The following SERPINI1 variants were observed in gnomAD, a reference collection of about 807,000 sequenced individuals.
SERPINI1 encodes neuroserpin.
SERPINI1 carries 19 observed loss-of-function variants against 41.1 expected under a neutral mutation model. The observed-to-expected ratio is 0.46, with a 90% confidence interval of 0.32 to 0.68. SERPINI1 has a LOEUF of 0.68. SERPINI1 is among the 30% of genes least tolerant of loss of function. SERPINI1 has a pLI of 0.03. For synonymous variants in SERPINI1, 138 were observed against 156.6 expected (o/e 0.88, Z 0.89); for missense variants, 460 against 479.2 (o/e 0.96, Z 0.37).
intron 1 of SERPINI1, among the ~76,000 whole-genome samples, chr3:167,767,272 A>T (rs554142231): frequency 3.8e-4 from 58 of 152,326 alleles, no homozygotes; most frequent in African/African-American, 1.2e-3. Context: ...ATGACAGCAC[A>T]TCTGTTTTGC....
intron 5 of SERPINI1, among the ~76,000 whole-genome samples, chr3:167,799,342 T>C (rs554441895): frequency 6.6e-6 from 1 of 152,306 alleles, no homozygotes; most frequent in South Asian, 2.1e-4. Context: ...GCTTTCCAGC[T>C]TCATCCATGT....
chr3:167,747,715 A>G (rs1409536280), intron 1 of SERPINI1, among the ~76,000 whole-genome samples: 3 of 152,232 alleles, frequency 2.0e-5, no homozygotes, highest in East Asian at 1.9e-4. Context: ...TATGCGAACT[A>G]TATTTTAATA....
chr3:167,774,074 TAAAG>T (rs1182854332), intron 1 of SERPINI1, among the ~76,000 whole-genome samples: 2 of 152,128 alleles, frequency 1.3e-5, no homozygotes, highest in African/African-American at 2.4e-5. Flanking sequence ...GAGGAAATAA[TAAAG>T]ATTTTTTTCC....
chr3:167,781,634 CTTTTT>C (rs757785091), intron 1 of SERPINI1, among the ~76,000 whole-genome samples: 6 of 81,756 alleles, frequency 7.3e-5, no homozygotes, highest in African/African-American at 3.1e-4. Flanking sequence ...TTCTTTTGGC[CTTTTT>C]TTTTTTTTTT....
intron 5 of SERPINI1, among the ~76,000 whole-genome samples, chr3:167,797,210 C>A (rs1318427497): frequency 6.6e-6 from 1 of 151,360 alleles, no homozygotes; most frequent in African/African-American, 2.4e-5. Flanking sequence ...TGATTGTTTA[C>A]TCCTTGTAAA....
At chr3:167,760,076 C>G (rs1016823141) in intron 1 of SERPINI1, among the ~76,000 whole-genome samples, 15 of 151,992 alleles carry the variant, frequency 9.9e-5, no homozygotes, top group African/African-American at 3.4e-4. Flanking sequence ...TCTCATCATA[C>G]CTTTGAACAC....
At chr3:167,803,511 G>C (rs963837560) in intron 5 of SERPINI1, among the ~76,000 whole-genome samples, 1 of 152,000 alleles carries the variant, frequency 6.6e-6, no homozygotes, top group South Asian at 2.1e-4. Context: ...CTGCATGCTA[G>C]CACCATCCTA....
intron 1 of SERPINI1, among the ~76,000 whole-genome samples, chr3:167,755,231 T>G (rs376017572): frequency 3.9e-5 from 6 of 152,320 alleles, no homozygotes; most frequent in African/African-American, 1.4e-4. Flanking sequence ...GATGGTAGTT[T>G]GGAAGCACTT....
rs556793595 is a variant in SERPINI1, at chr3:167,750,469, G to A, written c.-19+14646G>A. 3.9e-5 allele frequency among the ~76,000 whole-genome samples: 6 copies of A among 152,282 alleles called. No individual in the cohort carries two copies. In the South Asian group the frequency reaches 1.0e-3, roughly 26 times the overall value. On this transcript the variant is annotated intron_variant, in intron 1 of 8. Transcript: ENST00000446050. ...GCAATGGGTTTGCCATCACGTGTTC[G>A]TGATGCTTATTTGTGTATCATGTGA...
chr3:167,762,512 T>C (rs534725680), intron 1 of SERPINI1, among the ~76,000 whole-genome samples: 1 of 152,296 alleles, frequency 6.6e-6, no homozygotes, highest in South Asian at 2.1e-4. Context: ...AGGCTTTCAG[T>C]TTCACTCTCC....
intron 1 of SERPINI1, among the ~76,000 whole-genome samples, chr3:167,776,182 G>A (rs1726964237): frequency 6.6e-6 from 1 of 152,198 alleles, no homozygotes; most frequent in South Asian, 2.1e-4. Context: ...AACCTTGATT[G>A]ATGATGACTT....
chr3:167,809,105 C>T (rs778255908), intron 6 of SERPINI1, among the ~76,000 whole-genome samples: 44 of 152,076 alleles, frequency 2.9e-4, no homozygotes, highest in Non-Finnish European at 5.6e-4. Context: ...GTTTTCATGG[C>T]TTATATCCAA....
chr3:167,739,067 C>G (rs562599726), intron 1 of SERPINI1, among the ~76,000 whole-genome samples: 122 of 149,738 alleles, frequency 8.1e-4, no homozygotes, highest in Non-Finnish European at 1.4e-3. Flanking sequence ...CTTTTGGGAT[C>G]AGAATTAACG....
intron 4 of SERPINI1, among the ~76,000 whole-genome samples, chr3:167,793,597 T>TATATA (rs1553774851): frequency 4.2e-4 from 24 of 57,576 alleles, no homozygotes; most frequent in Middle Eastern, 6.4e-3. Context: ...TATATATATA[T>TATATA]TTTTAATTAG....
chr3:167,802,472 G>T, intron 5 of SERPINI1, among the ~76,000 whole-genome samples: 1 of 150,952 alleles, frequency 6.6e-6, no homozygotes, highest in African/African-American at 2.4e-5. Context: ...CGAAGGACAT[G>T]AACAGACACT....
chr3:167,781,941 C>G (rs1319948627), intron 1 of SERPINI1, among the ~76,000 whole-genome samples: 1 of 151,934 alleles, frequency 6.6e-6, no homozygotes, highest in African/African-American at 2.4e-5. Flanking sequence ...GAAGTGTTTT[C>G]TAAAGTAGTA....
chr3:167,785,159 G>A lies in SERPINI1; in HGVS notation c.-18-3952G>A, dbSNP rs1343209707. ...CTTGGGAGGCAGAGGCAGGAGAGTC[G>A]CTTGAACTCGGGAGGTGGAGGTTGC... On this transcript the variant is annotated intron_variant, in intron 1 of 8. Transcript: ENST00000446050. Among the ~76,000 whole-genome samples the A allele has an allele frequency of 3.3e-5, 5 of 152,236 alleles. No individual in the cohort carries two copies. The South Asian group carries it at 8.3e-4, about 25-fold the overall frequency.
intron 1 of SERPINI1, among the ~76,000 whole-genome samples, chr3:167,768,980 T>TTTTGTTTGTTTGTTTG (rs58300423): frequency 3.5e-4 from 52 of 150,246 alleles, no homozygotes; most frequent in African/African-American, 1.2e-3. Context: ...AATTTTGTTC[T>TTTTGTTTGTTTGTTTG]TTTGTTTGTT....
chr3:167,774,162 A>G (rs1726887427), intron 1 of SERPINI1, among the ~76,000 whole-genome samples: 1 of 152,242 alleles, frequency 6.6e-6, no homozygotes, highest in Non-Finnish European at 1.5e-5. Context: ...AAAACAGCAT[A>G]TGAAAGTTCT....
Sources: gnomAD v4.1 joint callset for allele counts (sites outside exome capture counted in the v4.1 genomes callset) on GRCh38, gnomAD v4.1.1 for gene constraint, MANE v1.5 for transcripts, NCBI Gene and HGNC (gene_info 2026-07-23, HGNC 2026-07-21) for gene names.